The following ERBB4 variants were observed in gnomAD, a reference collection of about 807,000 sequenced individuals.
The protein encoded by ERBB4 is erb-b2 receptor tyrosine kinase 4.
ERBB4 carries 42 observed loss-of-function variants against 158.0 expected under a neutral mutation model. That is an observed-to-expected ratio of 0.27 (90% confidence interval 0.21 to 0.34). ERBB4 has a LOEUF of 0.34. ERBB4 is among the 10% of genes least tolerant of loss of function. The pLI, the probability that ERBB4 is intolerant of heterozygous loss-of-function variation, is 1.00. For synonymous variants in ERBB4, 583 were observed against 558.7 expected, an observed-to-expected ratio of 1.04 and a Z score of -0.61; for missense variants, 1,333 against 1,624.1, an observed-to-expected ratio of 0.82 and a Z score of 3.08.
intron 25 of ERBB4, among the ~76,000 whole-genome samples, chr2:211,404,842 C>T (rs1317140425): frequency 6.6e-6 from 1 of 152,092 alleles, no homozygotes; most frequent in African/African-American, 2.4e-5. Context: ...CCCCTTCAAC[C>T]TAGTCCACCA....
At chr2:211,395,788 T>C (rs2062902985) in intron 25 of ERBB4, among the ~76,000 whole-genome samples, 1 of 152,084 alleles carries the variant, frequency 6.6e-6, no homozygotes, top group Admixed American at 6.6e-5. Flanking sequence ...AGATATGTTA[T>C]CTAAACACTC....
chr2:211,977,254 G>A (rs1352837859), intron 2 of ERBB4, among the ~76,000 whole-genome samples: 2 of 152,010 alleles, frequency 1.3e-5, no homozygotes, highest in African/African-American at 4.8e-5. Context: ...GAGTTAAGTT[G>A]GAAGTCTTTC....
intron 3 of ERBB4, among the ~76,000 whole-genome samples, chr2:211,873,306 T>C (rs1279195101): frequency 2.0e-5 from 3 of 152,118 alleles, no homozygotes; most frequent in African/African-American, 4.8e-5. Flanking sequence ...TGTAGTCATC[T>C]ACTTTTCTAA....
intron 1 of ERBB4, among the ~76,000 whole-genome samples, chr2:212,401,544 G>T (rs1283160764): frequency 2.0e-5 from 3 of 151,720 alleles, no homozygotes; most frequent in Non-Finnish European, 4.4e-5. Flanking sequence ...AACAGTTTTT[G>T]CAAGTGTACC....
chr2:211,946,038 C>A (rs554662583), intron 3 of ERBB4, among the ~76,000 whole-genome samples: 1 of 151,992 alleles, frequency 6.6e-6, no homozygotes, highest in African/African-American at 2.4e-5. Context: ...AAAATTCTTT[C>A]TCCTATCATT....
chr2:211,878,428 T>C (rs965764454), intron 3 of ERBB4, among the ~76,000 whole-genome samples: 2 of 152,172 alleles, frequency 1.3e-5, no homozygotes, highest in African/African-American at 4.8e-5. Context: ...TAATAAAAGG[T>C]ATTTGATTTT....
chr2:212,318,169 C>T (rs1356683687), intron 1 of ERBB4, among the ~76,000 whole-genome samples: 3 of 151,354 alleles, frequency 2.0e-5, no homozygotes, highest in Admixed American at 6.6e-5. Flanking sequence ...GTCACACAGC[C>T]GGTAAGAGGG....
intron 2 of ERBB4, among the ~76,000 whole-genome samples, chr2:212,003,215 AGGAAGGAAGGAAG>A (rs2076175314): frequency 2.1e-5 from 1 of 47,278 alleles, no homozygotes; most frequent in African/African-American, 5.4e-5. Context: ...GACAGAAAGA[AGGAAGGAAGGAAG>A]GAAGGAAGGA....
intron 12 of ERBB4, among the ~76,000 whole-genome samples, chr2:211,692,756 T>A (rs2072871253): frequency 6.6e-6 from 1 of 152,192 alleles, no homozygotes; most frequent in Non-Finnish European, 1.5e-5. Flanking sequence ...CATTCTATTT[T>A]AAGATCTATA....
intron 2 of ERBB4, among the ~76,000 whole-genome samples, chr2:212,005,654 T>A (rs1186654167): frequency 6.6e-6 from 1 of 152,186 alleles, no homozygotes; most frequent in Non-Finnish European, 1.5e-5. Context: ...CTATATGTAG[T>A]TCAGAAAAGC....
chr2:211,483,515 CTTTT>C (rs1425433475), intron 20 of ERBB4, among the ~76,000 whole-genome samples: 1 of 151,742 alleles, frequency 6.6e-6, no homozygotes, highest in Admixed American at 6.6e-5. Flanking sequence ...CAGCACATTT[CTTTT>C]TTTGTTTGTT....
intron 1 of ERBB4, among the ~76,000 whole-genome samples, chr2:212,152,938 C>T (rs1182815845): frequency 3.3e-5 from 5 of 152,144 alleles, no homozygotes; most frequent in Non-Finnish European, 2.9e-5. Context: ...ACATGTTCCA[C>T]AGTTTCCACA....
chr2:211,539,805 A>G (rs2066750747), intron 20 of ERBB4, among the ~76,000 whole-genome samples: 1 of 151,956 alleles, frequency 6.6e-6, no homozygotes, highest in Non-Finnish European at 1.5e-5. Context: ...TCATTGTATC[A>G]CGTCTTAATG....
chr2:212,090,863 T>C (rs1485277644), intron 2 of ERBB4, among the ~76,000 whole-genome samples: 2 of 152,200 alleles, frequency 1.3e-5, no homozygotes, highest in African/African-American at 2.4e-5. Context: ...CCACTATCTT[T>C]AGTGATTTGC....
intron 1 of ERBB4, among the ~76,000 whole-genome samples, chr2:212,483,865 T>C (rs1158765691): frequency 6.6e-6 from 1 of 152,086 alleles, no homozygotes; most frequent in African/African-American, 2.4e-5. Context: ...GCCTCCCGAG[T>C]AGCTGGGACT....
At position 211,733,236 on chromosome 2, in the gene ERBB4, C is replaced by A. The variant is rs867039299; in HGVS notation, c.623-8042G>T. ...GAGGGACCTTAAAGCTGATTATAAACTACACACTTGGTCACCAGGGAAATT... is the reference window on the plus strand; with the variant it reads ...GAGGGACCTTAAAGCTGATTATAAAATACACACTTGGTCACCAGGGAAATT... On this transcript the variant is annotated intron_variant, in intron 5 of 27. Transcript: ENST00000342788. Among the ~76,000 whole-genome samples, 7 of 152,290 alleles carry A rather than the reference C, an allele frequency of 4.6e-5. No individual in the cohort carries two copies. In the Middle Eastern group the frequency reaches 0.014, roughly 296 times the overall value.
At chr2:212,049,448 T>C (rs2077343144) in intron 2 of ERBB4, among the ~76,000 whole-genome samples, 1 of 152,156 alleles carries the variant, frequency 6.6e-6, no homozygotes, top group Non-Finnish European at 1.5e-5. Context: ...TATATATCGG[T>C]ATGCTCTAAT....
intron 1 of ERBB4, among the ~76,000 whole-genome samples, chr2:212,169,516 C>G (rs1475909703): frequency 6.6e-6 from 1 of 152,142 alleles, no homozygotes; most frequent in Non-Finnish European, 1.5e-5. Context: ...CAACTCAAGA[C>G]AGATTAAAGA....
At chr2:211,563,467 T>C (rs6733265) in intron 19 of ERBB4, among the ~76,000 whole-genome samples, 22,056 of 152,158 alleles carry the variant, frequency 0.14, 2,540 homozygotes, top group African/African-American at 0.32. Flanking sequence ...AAAATGTCAA[T>C]ATTAGGAGAA....
Sources: gnomAD v4.1 joint callset for allele counts (sites outside exome capture counted in the v4.1 genomes callset) on GRCh38, gnomAD v4.1.1 for gene constraint, MANE v1.5 for transcripts, NCBI Gene and HGNC (gene_info 2026-07-23, HGNC 2026-07-21) for gene names.